Variants in WDR70 observed in about 807,000 individuals in gnomAD.
WDR70 encodes WD repeat domain 70.
In WDR70, 53 loss-of-function variants were observed where a neutral mutation model predicts 88.6. The ratio of observed to expected loss-of-function variants is 0.60; its 90% CI spans 0.48 to 0.75. The LOEUF is 0.75. Ranked by LOEUF, WDR70 falls within the 30% of genes least tolerant of loss-of-function variation. WDR70 has a pLI of 0.00. For synonymous variants in WDR70, 280 were observed against 270.0 expected (o/e 1.04, Z -0.36); for missense variants, 610 against 823.2 (o/e 0.74, Z 3.17).
intron 13 of WDR70, among the ~76,000 whole-genome samples, chr5:37,712,061 C>G (rs201112905): frequency 6.9e-6 from 1 of 145,706 alleles, no homozygotes. Context: ...GGCACGATCT[C>G]GGCTTACTGC....
At chr5:37,531,161 G>A (rs946883699) in intron 9 of WDR70, among the ~76,000 whole-genome samples, 1 of 152,022 alleles carries the variant, frequency 6.6e-6, no homozygotes, top group Non-Finnish European at 1.5e-5. Context: ...GAGAGTACTC[G>A]ATATAATTTT....
intron 5 of WDR70, among the ~76,000 whole-genome samples, chr5:37,427,526 AC>A (rs1312887770): frequency 6.6e-6 from 1 of 152,152 alleles, no homozygotes; most frequent in African/African-American, 2.4e-5. Context: ...TTGCACACAT[AC>A]ATTTCTCTTT....
At chr5:37,549,652 G>C (rs963777792) in intron 9 of WDR70, among the ~76,000 whole-genome samples, 8 of 152,082 alleles carry the variant, frequency 5.3e-5, no homozygotes, top group Non-Finnish European at 1.2e-4. Context: ...CTGATCACTA[G>C]CTAGGACTTC....
At chr5:37,536,020 T>G (rs574210372) in intron 9 of WDR70, among the ~76,000 whole-genome samples, 3 of 152,198 alleles carry the variant, frequency 2.0e-5, no homozygotes, top group African/African-American at 7.2e-5. Context: ...AGAAACATGT[T>G]GCAGTATTCT....
chr5:37,592,973 A>G (rs1391061340), intron 9 of WDR70, among the ~76,000 whole-genome samples: 1 of 152,230 alleles, frequency 6.6e-6, no homozygotes, highest in African/African-American at 2.4e-5. Flanking sequence ...TGGGTAACAT[A>G]TAGTGAGACC....
chr5:37,562,139 C>G (rs927044874), intron 9 of WDR70, among the ~76,000 whole-genome samples: 2 of 152,192 alleles, frequency 1.3e-5, no homozygotes, highest in African/African-American at 4.8e-5. Context: ...AGGTGGATCA[C>G]TTGAGGCCAG....
At chr5:37,561,424 A>C (rs1742500519) in intron 9 of WDR70, among the ~76,000 whole-genome samples, 1 of 152,234 alleles carries the variant, frequency 6.6e-6, no homozygotes, top group Non-Finnish European at 1.5e-5. Flanking sequence ...GATGGTATAC[A>C]CTATGCTAAA....
intron 9 of WDR70, among the ~76,000 whole-genome samples, chr5:37,589,949 A>G (rs1006324278): frequency 6.6e-6 from 1 of 152,150 alleles, no homozygotes; most frequent in Non-Finnish European, 1.5e-5. Flanking sequence ...AGTGCTTCAT[A>G]AAGAGCTTTA....
intron 8 of WDR70, among the ~76,000 whole-genome samples, chr5:37,495,932 G>GT (rs1740202409): frequency 6.6e-6 from 1 of 152,128 alleles, no homozygotes; most frequent in Admixed American, 6.5e-5. Context: ...AGTCTTGTAG[G>GT]TTTTTTCTGT....
At chr5:37,681,012 T>C (rs1257504337) in intron 10 of WDR70, among the ~76,000 whole-genome samples, 1 of 152,246 alleles carries the variant, frequency 6.6e-6, no homozygotes, top group Non-Finnish European at 1.5e-5. Context: ...GCATTGAATC[T>C]GTAAATTGCT....
At chr5:37,560,809 A>ATT (rs397885116) in intron 9 of WDR70, among the ~76,000 whole-genome samples, 51,540 of 130,824 alleles carry the variant, frequency 0.39, 11,509 homozygotes, top group Non-Finnish European at 0.49. Context: ...GCAGAAGCAG[A>ATT]TTTTTTTTTT....
chr5:37,525,010 A>G (rs1209668049), intron 9 of WDR70, among the ~76,000 whole-genome samples: 1 of 152,162 alleles, frequency 6.6e-6, no homozygotes, highest in African/African-American at 2.4e-5. Flanking sequence ...AGAGACTTAG[A>G]CTCCTGCACA....
rs929131041 is a variant in WDR70, at chr5:37,398,950, T to C, written c.492+2380T>C. On this transcript the variant is annotated intron_variant, in intron 5 of 17. Coordinates refer to ENST00000265107, the MANE Select transcript of WDR70 (RefSeq NM_018034.4). ...TGAGGTCAGGAGTTTGAGACTAGCC[T>C]GGCCAACATGGTGAAACCTTGACTC... 2.0e-5 allele frequency among the ~76,000 whole-genome samples: 3 copies of C among 152,244 alleles called. No individual in the cohort carries two copies. The East Asian group carries it at 5.8e-4, about 29-fold the overall frequency.
At chr5:37,621,129 T>C (rs1444394444) in intron 10 of WDR70, among the ~76,000 whole-genome samples, 1 of 152,108 alleles carries the variant, frequency 6.6e-6, no homozygotes, top group Non-Finnish European at 1.5e-5. Context: ...ATCAGCTTCT[T>C]ACAGTCTGCC....
At position 37,449,446 on chromosome 5, in the gene WDR70, G is replaced by T. The variant is rs192000681; in HGVS notation, c.686+6074G>T. Among the ~76,000 whole-genome samples, 1,408 of 152,090 alleles carry T rather than the reference G, an allele frequency of 9.3e-3. 20 individuals are homozygous for T. Among genetic ancestry groups the T allele is most frequent in the Non-Finnish European group, 0.013 (878 of 67,988 alleles). Reference sequence around the variant, plus strand: ...GTCTGTACTAAAAATACAAAAATTAGCCGGGCATGTTGGTGGGTGCCTGTA... The same window carrying T: ...GTCTGTACTAAAAATACAAAAATTATCCGGGCATGTTGGTGGGTGCCTGTA... On this transcript the variant is annotated intron_variant, in intron 7 of 17. Transcript: ENST00000265107.
At position 37,462,664 on chromosome 5, in the gene WDR70, A is replaced by G. The variant is rs1322103767; in HGVS notation, c.687-17170A>G. On this transcript the variant is annotated intron_variant, in intron 7 of 17. Coordinates refer to ENST00000265107, the MANE Select transcript of WDR70 (RefSeq NM_018034.4). ...GCAATAATTAAGACATGTACTAAAC[A>G]TATACTAACTTGTAGTGCATTTGAA... 2.0e-5 allele frequency among the ~76,000 whole-genome samples: 3 copies of G among 152,228 alleles called. No homozygotes were observed. In the East Asian group the frequency reaches 5.8e-4, roughly 29 times the overall value.
intron 7 of WDR70, among the ~76,000 whole-genome samples, chr5:37,471,990 G>GT (rs1218386533): frequency 2.0e-5 from 3 of 151,428 alleles, no homozygotes; most frequent in Non-Finnish European, 4.4e-5. Flanking sequence ...CAGAGGGAAG[G>GT]TTTTTAACAT....
chr5:37,624,398 T>C (rs1744607822), intron 10 of WDR70, among the ~76,000 whole-genome samples: 1 of 152,208 alleles, frequency 6.6e-6, no homozygotes, highest in Non-Finnish European at 1.5e-5. Context: ...CCGAGTAGTA[T>C]TCCGTAGTGC....
chr5:37,437,613 T>C (rs566068680), intron 5 of WDR70, among the ~76,000 whole-genome samples: 2 of 152,296 alleles, frequency 1.3e-5, no homozygotes, highest in African/African-American at 4.8e-5. Context: ...TACTGATTTA[T>C]TTTTACATTT....
Sources: allele counts gnomAD v4.1 joint callset (sites outside exome capture counted in the v4.1 genomes callset), GRCh38; gene constraint gnomAD v4.1.1; transcripts MANE v1.5; gene names NCBI Gene and HGNC (gene_info 2026-07-23, HGNC 2026-07-21).